GUCY1A1: variants seen among roughly 807,000 people sequenced by gnomAD.
GUCY1A1 encodes the protein guanylate cyclase soluble subunit alpha-1.
In GUCY1A1, 48 loss-of-function variants were observed where a neutral mutation model predicts 64.5. That is an observed-to-expected ratio of 0.74 (90% confidence interval 0.59 to 0.95). The LOEUF (loss-of-function observed/expected upper bound fraction) is 0.95, where lower values mean the gene tolerates loss of function less well. Ranked by LOEUF, GUCY1A1 falls within the 40% of genes least tolerant of loss-of-function variation. The pLI, the probability that GUCY1A1 is intolerant of heterozygous loss-of-function variation, is 0.00. For missense variants in GUCY1A1, 804 were observed against 825.3 expected (o/e 0.97, Z 0.32); for synonymous variants, 308 against 303.4 (o/e 1.02, Z -0.16).
chr4:155,704,638 G>C (rs1039246324), intron 4 of GUCY1A1, among the ~76,000 whole-genome samples: 1 of 152,176 alleles, frequency 6.6e-6, no homozygotes, highest in Admixed American at 6.5e-5. Context: ...ACATCAGTTT[G>C]TTTATACTTT....
chr4:155,678,259 T>C (rs1735235076), intron 2 of GUCY1A1, among the ~76,000 whole-genome samples: 1 of 152,172 alleles, frequency 6.6e-6, no homozygotes, highest in Non-Finnish European at 1.5e-5. Flanking sequence ...AAAAGGTGCA[T>C]AATATTAGAA....
intron 2 of GUCY1A1, among the ~76,000 whole-genome samples, chr4:155,691,960 A>C (rs1729795175): frequency 6.6e-6 from 1 of 152,048 alleles, no homozygotes; most frequent in African/African-American, 2.4e-5. Context: ...TTTACAGTCC[A>C]AAAGGCCCCA....
chr4:155,682,330 T>C (rs931995301), intron 2 of GUCY1A1, among the ~76,000 whole-genome samples: 1 of 152,208 alleles, frequency 6.6e-6, no homozygotes, highest in African/African-American at 2.4e-5. Context: ...TCTTTACTTA[T>C]TCTCCCTTTT....
intron 6 of GUCY1A1, among the ~76,000 whole-genome samples, chr4:155,711,550 A>G (rs1273384637): frequency 2.0e-5 from 3 of 152,252 alleles, no homozygotes; most frequent in Non-Finnish European, 4.4e-5. Context: ...CAATTATCAA[A>G]TAGCTGACTT....
chr4:155,717,547 T>A (rs1733423144), intron 8 of GUCY1A1, among the ~76,000 whole-genome samples: 1 of 152,174 alleles, frequency 6.6e-6, no homozygotes. Flanking sequence ...TCAAAAAATG[T>A]TTCCCATAGT....
At position 155,710,727 on chromosome 4, in the gene GUCY1A1, G is replaced by C; in HGVS notation, c.562G>C (p.Ala188Pro). The C allele has an allele frequency of 6.2e-7, 1 of 1,614,030 alleles. No homozygotes were observed. Among genetic ancestry groups the C allele is most frequent in the Non-Finnish European group, 8.5e-7 (1 of 1,179,954 alleles). Residue 188 changes from alanine to proline, a missense_variant, in exon 6 of 10, where the codon GCC (alanine) becomes CCC (proline). Coordinates refer to ENST00000506455, the MANE Select transcript of GUCY1A1 (RefSeq NM_001130682.3). ...AGGAAAAAGGGGCAGGCTTGAGGAC[G>C]CCTCCATTCTATGCCTGGATAAGGA... The part of the protein sequence containing the change: ...EAGKRGRLED[A>P]SILCLDKEDD...
chr4:155,674,196 A>T (rs1362666333), intron 2 of GUCY1A1, among the ~76,000 whole-genome samples: 4 of 151,298 alleles, frequency 2.6e-5, no homozygotes, highest in Non-Finnish European at 5.9e-5. Context: ...TCTACTAAAA[A>T]TACAAAAAAT....
Position 155,733,583 on chromosome 4 carries a change from A to G in GUCY1A1, c.*3352A>G, listed in dbSNP as rs7435347. Among the ~76,000 whole-genome samples, 28,047 of 151,422 alleles carry G rather than the reference A, an allele frequency of 0.19. 2,736 individuals carry two copies. The highest frequency in any genetic ancestry group is 0.24 in the Middle Eastern group (72 of 294). ...TACATGACCTTAAGTAGTTATCAAC[A>G]TTACCATAATAGTAATATTAATAAC... On this transcript the variant is annotated 3_prime_UTR_variant, in exon 10 of 10. Coordinates refer to ENST00000506455, the MANE Select transcript of GUCY1A1 (RefSeq NM_001130682.3).
intron 2 of GUCY1A1, among the ~76,000 whole-genome samples, chr4:155,675,163 C>A (rs1734729276): frequency 2.0e-5 from 3 of 151,550 alleles, no homozygotes; most frequent in Admixed American, 2.0e-4. Flanking sequence ...TCTCCATTTG[C>A]AATATCACTT....
chr4:155,693,946 G>T (rs1579045478), intron 2 of GUCY1A1, among the ~76,000 whole-genome samples: 1 of 152,088 alleles, frequency 6.6e-6, no homozygotes. Flanking sequence ...CTATATTATG[G>T]CAAACTTCTA....
chr4:155,676,816 T>C (rs2126559640), intron 2 of GUCY1A1, among the ~76,000 whole-genome samples: 1 of 151,706 alleles, frequency 6.6e-6, no homozygotes, highest in Admixed American at 6.5e-5. Context: ...AGTCTTTGTC[T>C]TTTGCATTTA....
At chr4:155,679,280 C>T (rs891137794) in intron 2 of GUCY1A1, among the ~76,000 whole-genome samples, 4 of 151,704 alleles carry the variant, frequency 2.6e-5, no homozygotes, top group South Asian at 2.1e-4. Context: ...TTGTAACTTT[C>T]GTACTTAGGT....
intron 2 of GUCY1A1, among the ~76,000 whole-genome samples, chr4:155,681,650 G>A (rs1301356211): frequency 6.6e-6 from 1 of 151,966 alleles, no homozygotes; most frequent in Non-Finnish European, 1.5e-5. Flanking sequence ...CATTCTCATT[G>A]TACTTTTCTA....
In GUCY1A1 at chr4:155,736,660, G is replaced by C. The variant is rs1459015998; in HGVS notation, c.*6429G>C. On this transcript the variant is annotated 3_prime_UTR_variant, in exon 10 of 10. Transcript: ENST00000506455. The stretch of plus-strand genomic sequence containing the variant: ...GGAGTTAGTTTTTTGGTCCTGATGT[G>C]TAAAATGATTCATGGGGTTTCACAT... The C allele has an allele frequency of 1.3e-5, 2 of 151,954 alleles. No individual in the cohort carries two copies. Among genetic ancestry groups the C allele is most frequent in the African/African-American group, 4.8e-5 (2 of 41,410 alleles). 9.4% of individuals were successfully genotyped at this position (151,954 alleles called of 1,614,324 possible).
intron 2 of GUCY1A1, among the ~76,000 whole-genome samples, chr4:155,682,113 CT>C (rs1560917287): frequency 6.6e-6 from 1 of 152,012 alleles, no homozygotes; most frequent in Non-Finnish European, 1.5e-5. Context: ...CTTTTCCTGC[CT>C]CTTTCCCACA....
At chr4:155,693,503 G>T (rs1730023160) in intron 2 of GUCY1A1, among the ~76,000 whole-genome samples, 1 of 151,928 alleles carries the variant, frequency 6.6e-6, no homozygotes, top group African/African-American at 2.4e-5. Flanking sequence ...TCTTTTGCCT[G>T]CCAGGAATAT....
intron 7 of GUCY1A1, among the ~76,000 whole-genome samples, chr4:155,715,417 C>G (rs757895482): frequency 5.9e-5 from 9 of 151,978 alleles, no homozygotes; most frequent in Non-Finnish European, 1.3e-4. Flanking sequence ...TGTTCATTTA[C>G]CCATTGTTTC....
chr4:155,735,803 A>G lies in GUCY1A1; in HGVS notation c.*5572A>G, dbSNP rs1223551175. 1 of 151,956 alleles carries G rather than the reference A, an allele frequency of 6.6e-6. No individual in the cohort carries two copies. Among genetic ancestry groups the G allele is most frequent in the East Asian group, 1.9e-4 (1 of 5,158 alleles). The allele number at this position is 151,956 out of a possible 1,614,324, so 9.4% of individuals were successfully genotyped here. A position where few individuals can be genotyped will look rare whatever the true frequency, so the allele number is the denominator to read the frequency against. On this transcript the variant is annotated 3_prime_UTR_variant, in exon 10 of 10. Transcript: ENST00000506455. ...GACAGCCCAATGTGTTAAGTATTAT[A>G]CACCTGGAACAAGAGCAGCAAAACT...
chr4:155,698,535 C>T (rs1730697937), intron 3 of GUCY1A1, among the ~76,000 whole-genome samples: 1 of 152,158 alleles, frequency 6.6e-6, no homozygotes, highest in African/African-American at 2.4e-5. Context: ...TTCCCTGAAT[C>T]CTGTCCTTAC....
Sources: gnomAD v4.1 joint callset for allele counts (sites outside exome capture counted in the v4.1 genomes callset) on GRCh38, gnomAD v4.1.1 for gene constraint, MANE v1.5 for transcripts, NCBI Gene and HGNC (gene_info 2026-07-23, HGNC 2026-07-21) for gene names.